Variants in CLSTN2 observed in about 807,000 individuals in gnomAD.
CLSTN2 encodes the protein calsyntenin-2.
In CLSTN2, 48 loss-of-function variants were observed where a neutral mutation model predicts 101.2. The observed-to-expected ratio is 0.47, with a 90% CI of 0.38 to 0.60. The LOEUF (loss-of-function observed/expected upper bound fraction) is 0.60, where lower values mean the gene tolerates loss of function less well. CLSTN2 is among the 20% of genes least tolerant of loss of function. The pLI is 0.00. For missense variants in CLSTN2, 1,160 were observed against 1,238.2 expected (o/e 0.94, Z 0.95); for synonymous variants, 481 against 463.6 (o/e 1.04, Z -0.48).
intron 1 of CLSTN2, among the ~76,000 whole-genome samples, chr3:140,000,207 A>C (rs2006798520): frequency 6.6e-6 from 1 of 152,210 alleles, no homozygotes; most frequent in Admixed American, 6.5e-5. Context: ...CAAGTGTAAA[A>C]GGTTCCTGAC....
chr3:140,526,643 C>CAAA (rs78227756), intron 8 of CLSTN2, among the ~76,000 whole-genome samples: 4 of 132,000 alleles, frequency 3.0e-5, no homozygotes, highest in African/African-American at 1.1e-4. Flanking sequence ...ACAACAACAA[C>CAAA]AAAAAAAAAA....
chr3:140,456,223 G>T (rs60875933), intron 6 of CLSTN2, among the ~76,000 whole-genome samples: 12 of 152,140 alleles, frequency 7.9e-5, no homozygotes, highest in East Asian at 5.8e-4. Context: ...TGAGCAGAAG[G>T]TTACAAGATC....
intron 2 of CLSTN2, among the ~76,000 whole-genome samples, chr3:140,191,116 T>G (rs1252558266): frequency 6.6e-6 from 1 of 152,088 alleles, no homozygotes; most frequent in East Asian, 1.9e-4. Flanking sequence ...GAGGTTTTTT[T>G]AAAAAGTATA....
chr3:140,265,155 A>G (rs912664978), intron 2 of CLSTN2, among the ~76,000 whole-genome samples: 1 of 152,188 alleles, frequency 6.6e-6, no homozygotes, highest in African/African-American at 2.4e-5. Flanking sequence ...TGGTATGTGG[A>G]AGAACCAGGA....
chr3:140,252,299 T>C (rs1370368397), intron 2 of CLSTN2, among the ~76,000 whole-genome samples: 1 of 152,132 alleles, frequency 6.6e-6, no homozygotes, highest in Non-Finnish European at 1.5e-5. Flanking sequence ...TACATTCCAA[T>C]CCTACATAAA....
At chr3:140,401,715 G>T (rs2088244259) in intron 2 of CLSTN2, among the ~76,000 whole-genome samples, 1 of 152,230 alleles carries the variant, frequency 6.6e-6, no homozygotes, top group Admixed American at 6.5e-5. Context: ...CCCAGAAACA[G>T]TCTAGACACA....
At chr3:140,341,456 A>C (rs976760700) in intron 2 of CLSTN2, among the ~76,000 whole-genome samples, 4 of 152,212 alleles carry the variant, frequency 2.6e-5, no homozygotes, top group Non-Finnish European at 5.9e-5. Context: ...GCAGGCCCAT[A>C]AATCAGCCAG....
chr3:140,234,616 A>G lies in CLSTN2; in HGVS notation c.232+58543A>G, dbSNP rs527912507. 5.3e-5 allele frequency among the ~76,000 whole-genome samples: 8 copies of G among 152,308 alleles called. No individual in the cohort carries two copies. The South Asian group carries it at 1.2e-3, about 24-fold the overall frequency. On this transcript the variant is annotated intron_variant, in intron 2 of 16. Coordinates refer to ENST00000458420, the MANE Select transcript of CLSTN2 (RefSeq NM_022131.3). The stretch of plus-strand genomic sequence containing the variant: ...TTTGCCTGTGTGCTGGTACCATGAC[A>G]AGAAATTCCCTATCACAGCCAGATT...
At chr3:140,391,299 C>G (rs1187095797) in intron 2 of CLSTN2, among the ~76,000 whole-genome samples, 1 of 146,200 alleles carries the variant, frequency 6.8e-6, no homozygotes, top group Non-Finnish European at 1.5e-5. Context: ...GTAGCTTCCT[C>G]CAGGTTTCAG....
intron 2 of CLSTN2, among the ~76,000 whole-genome samples, chr3:140,379,443 T>A (rs1339547967): frequency 6.6e-6 from 1 of 152,112 alleles, no homozygotes; most frequent in Non-Finnish European, 1.5e-5. Flanking sequence ...ATTCTGTGGA[T>A]TGTAGGGAAA....
intron 2 of CLSTN2, among the ~76,000 whole-genome samples, chr3:140,393,305 T>C (rs1444517477): frequency 1.3e-5 from 2 of 152,230 alleles, no homozygotes; most frequent in South Asian, 4.1e-4. Flanking sequence ...CCTGTCAGCA[T>C]GATTTGCACC....
chr3:140,502,697 T>A (rs541306395), intron 8 of CLSTN2, among the ~76,000 whole-genome samples: 12 of 152,000 alleles, frequency 7.9e-5, no homozygotes, highest in African/African-American at 2.9e-4. Context: ...GGAAAGCTGA[T>A]TGGTCGGGAG....
intron 2 of CLSTN2, among the ~76,000 whole-genome samples, chr3:140,367,242 C>T (rs1189070128): frequency 1.3e-5 from 2 of 151,900 alleles, no homozygotes; most frequent in East Asian, 1.9e-4. Context: ...AGAAGCAATG[C>T]GGTGGCTCAC....
At chr3:140,402,568 TG>T (rs974330333) in intron 2 of CLSTN2, among the ~76,000 whole-genome samples, 13 of 152,148 alleles carry the variant, frequency 8.5e-5, no homozygotes, top group African/African-American at 2.9e-4. Flanking sequence ...TACGAATAGT[TG>T]GGCAGGACCT....
intron 2 of CLSTN2, among the ~76,000 whole-genome samples, chr3:140,265,279 C>A (rs549771486): frequency 6.6e-6 from 1 of 152,278 alleles, no homozygotes; most frequent in Admixed American, 6.5e-5. Flanking sequence ...TTCCAAGTTG[C>A]AGGTGTTCTC....
At chr3:140,391,115 C>T (rs1285781684) in intron 2 of CLSTN2, among the ~76,000 whole-genome samples, 1 of 152,156 alleles carries the variant, frequency 6.6e-6, no homozygotes. Flanking sequence ...GAGTTTGGGC[C>T]TCCCCTTCCC....
intron 5 of CLSTN2, among the ~76,000 whole-genome samples, chr3:140,437,027 C>A (rs1431563082): frequency 6.7e-6 from 1 of 149,954 alleles, no homozygotes; most frequent in East Asian, 2.0e-4. Flanking sequence ...GGAGCAGGGA[C>A]CTTCTACCTG....
At chr3:140,111,450 G>A (rs1384511557) in intron 1 of CLSTN2, among the ~76,000 whole-genome samples, 1 of 152,048 alleles carries the variant, frequency 6.6e-6, no homozygotes, top group Admixed American at 6.5e-5. Context: ...CCTCGCAAAC[G>A]GGCCACCTTG....
chr3:139,935,257 C>T lies in CLSTN2; in HGVS notation c.-118C>T, dbSNP rs1225507082. The T allele has an allele frequency of 4.4e-6, 2 of 454,786 alleles. No homozygotes were observed. Among genetic ancestry groups the T allele is most frequent in the East Asian group, 4.1e-5 (1 of 24,684 alleles). 28.2% of individuals were successfully genotyped at this position (454,786 alleles called of 1,614,324 possible). On this transcript the variant is annotated 5_prime_UTR_variant, in exon 1 of 17. Coordinates refer to ENST00000458420, the MANE Select transcript of CLSTN2 (RefSeq NM_022131.3). This position sits in a 1 kb window ranked among gnomAD's most constrained non-coding sequence, Gnocchi z 5.5. Reference sequence around the variant, plus strand: ...CCGAGGCCGAGCGCCGCGGCGGCAGCGCTAGAAGCGCACCCATCGGGCACG... The same window carrying T: ...CCGAGGCCGAGCGCCGCGGCGGCAGTGCTAGAAGCGCACCCATCGGGCACG...
Sources: allele counts gnomAD v4.1 joint callset (sites outside exome capture counted in the v4.1 genomes callset), GRCh38; gene constraint gnomAD v4.1.1; non-coding constraint Gnocchi (gnomAD v3.1); transcripts MANE v1.5; gene names NCBI Gene and HGNC (gene_info 2026-07-23, HGNC 2026-07-21).